Variants in NRG1 observed in about 807,000 individuals in gnomAD.
NRG1 encodes the protein pro-neuregulin-1, membrane-bound isoform.
In NRG1, 18 loss-of-function variants were observed where a neutral mutation model predicts 63.8. The observed-to-expected ratio is 0.28, with a 90% CI of 0.19 to 0.42. The LOEUF (loss-of-function observed/expected upper bound fraction) is 0.42. Ranked by LOEUF, NRG1 falls within the 10% of genes least tolerant of loss-of-function variation. The pLI is 1.00. For synonymous variants in NRG1, 302 were observed against 301.3 expected (o/e 1.00, Z -0.02); for missense variants, 762 against 814.7 (o/e 0.94, Z 0.79).
intron 1 of NRG1, among the ~76,000 whole-genome samples, chr8:32,190,951 AG>A (rs1842433563): frequency 2.0e-5 from 3 of 152,252 alleles, no homozygotes; most frequent in African/African-American, 7.2e-5. Context: ...GTCCAGATAA[AG>A]ACATGTTTTT....
chr8:31,736,820 G>A (rs539560882), intron 1 of NRG1, among the ~76,000 whole-genome samples: 2 of 152,258 alleles, frequency 1.3e-5, no homozygotes, highest in South Asian at 4.1e-4. Flanking sequence ...ATAAGTAGCA[G>A]TTGTTATTTG....
intron 1 of NRG1, among the ~76,000 whole-genome samples, chr8:32,328,307 G>A (rs1802244679): frequency 6.6e-6 from 1 of 152,208 alleles, no homozygotes; most frequent in Admixed American, 6.5e-5. Context: ...AGAGTTAGTA[G>A]GCTGGCTTCA....
chr8:32,479,920 T>G (rs1825039020), intron 1 of NRG1, among the ~76,000 whole-genome samples: 1 of 152,076 alleles, frequency 6.6e-6, no homozygotes, highest in African/African-American at 2.4e-5. Context: ...AGCGCTGGGA[T>G]TACAGGTGTG....
At chr8:31,889,894 C>G (rs1221664357) in intron 1 of NRG1, among the ~76,000 whole-genome samples, 1 of 151,956 alleles carries the variant, frequency 6.6e-6, no homozygotes, top group African/African-American at 2.4e-5. Context: ...GAAAGTGGAT[C>G]AATCCATGCC....
chr8:31,684,960 C>T (rs1417854240), intron 1 of NRG1, among the ~76,000 whole-genome samples: 1 of 152,074 alleles, frequency 6.6e-6, no homozygotes, highest in Non-Finnish European at 1.5e-5. Context: ...TCACAAGGTG[C>T]ATGGAGTAAT....
intron 1 of NRG1, among the ~76,000 whole-genome samples, chr8:32,428,909 G>T (rs950036082): frequency 6.6e-6 from 1 of 152,082 alleles, no homozygotes; most frequent in South Asian, 2.1e-4. Context: ...TTGTTTGTTT[G>T]TTTGTTTGTT....
intron 1 of NRG1, among the ~76,000 whole-genome samples, chr8:31,839,350 T>C (rs1825975882): frequency 6.6e-6 from 1 of 152,214 alleles, no homozygotes; most frequent in Admixed American, 6.5e-5. Context: ...CAAGTAATGA[T>C]AGCTGGAAAT....
chr8:32,761,592 T>TTTTA (rs1338499034), intron 11 of NRG1, among the ~76,000 whole-genome samples: 1 of 151,178 alleles, frequency 6.6e-6, no homozygotes, highest in African/African-American at 2.4e-5. Flanking sequence ...TTTTATTTTA[T>TTTTA]TTTATTTTAT....
At chr8:32,320,807 C>T (rs1468787859) in intron 1 of NRG1, among the ~76,000 whole-genome samples, 4 of 152,142 alleles carry the variant, frequency 2.6e-5, no homozygotes, top group African/African-American at 7.2e-5. Flanking sequence ...GTCATCATTA[C>T]GCACCTCTGA....
At chr8:32,073,228 A>C (rs577748078) in intron 1 of NRG1, among the ~76,000 whole-genome samples, 1 of 152,184 alleles carries the variant, frequency 6.6e-6, no homozygotes, top group African/African-American at 2.4e-5. Context: ...AGCTTGAGGC[A>C]GAAGATAGCT....
At chr8:32,672,565 G>C (rs1805967277) in intron 5 of NRG1, among the ~76,000 whole-genome samples, 1 of 152,120 alleles carries the variant, frequency 6.6e-6, no homozygotes, top group East Asian at 1.9e-4. Flanking sequence ...TGATTTATTG[G>C]TTACATGTTA....
intron 1 of NRG1, among the ~76,000 whole-genome samples, chr8:32,435,444 C>T (rs1818669711): frequency 6.6e-6 from 1 of 152,156 alleles, no homozygotes; most frequent in African/African-American, 2.4e-5. Context: ...GTTGAGACCT[C>T]CCCAGTTGAC....
intron 1 of NRG1, among the ~76,000 whole-genome samples, chr8:31,907,790 T>G (rs889257842): frequency 2.0e-5 from 3 of 152,192 alleles, no homozygotes; most frequent in African/African-American, 7.2e-5. Flanking sequence ...CTCAATAATT[T>G]TTTTGAATTG....
intron 1 of NRG1, among the ~76,000 whole-genome samples, chr8:32,415,586 A>G (rs902605032): frequency 6.6e-6 from 1 of 152,080 alleles, no homozygotes; most frequent in Non-Finnish European, 1.5e-5. Context: ...TCTCTGGTAG[A>G]GAAGAGGAAA....
rs555661248 is a variant in NRG1, at chr8:32,118,233, T to C, written c.38-477595T>C. Among the ~76,000 whole-genome samples the C allele has an allele frequency of 3.9e-4, 60 of 152,236 alleles. 1 individual carries two copies. Among genetic ancestry groups the C allele is most frequent in the African/African-American group, 1.3e-3 (55 of 41,570 alleles). ...GTCATGAGGGCAGATCCTTCATGAA[T>C]ACATTAATGCCCTCCCTGGGGTGGG... On this transcript the variant is annotated intron_variant, in intron 1 of 10. Coordinates refer to the NRG1 transcript ENST00000519301.
intron 5 of NRG1, among the ~76,000 whole-genome samples, chr8:32,725,040 G>T (rs995598220): frequency 6.6e-6 from 1 of 152,128 alleles, no homozygotes; most frequent in African/African-American, 2.4e-5. Context: ...TTATTTTGAT[G>T]ATCTCATAAA....
intron 2 of NRG1, 59 bp from the exon 3 acceptor site, chr8:32,605,491 GAAAAGTATGTAT>G: frequency 6.4e-7 from 1 of 1,571,312 alleles, no homozygotes. Context: ...TGAAAGCATA[GAAAAGTATGTAT>G]TTATATTTGT....
intron 1 of NRG1, among the ~76,000 whole-genome samples, chr8:31,841,766 C>T (rs909449612): frequency 5.3e-5 from 8 of 152,166 alleles, no homozygotes; most frequent in African/African-American, 1.7e-4. Flanking sequence ...AATTAATACT[C>T]ATACCAGATT....
At chr8:32,081,592 A>G (rs1188735128) in intron 1 of NRG1, among the ~76,000 whole-genome samples, 1 of 152,146 alleles carries the variant, frequency 6.6e-6, no homozygotes, top group African/African-American at 2.4e-5. Context: ...AGATAGGGTC[A>G]TTGTAGAGTG....
Sources: gnomAD v4.1 joint callset for allele counts (sites outside exome capture counted in the v4.1 genomes callset) on GRCh38, gnomAD v4.1.1 for gene constraint, MANE v1.5 for transcripts, NCBI Gene and HGNC (gene_info 2026-07-23, HGNC 2026-07-21) for gene names.